Variants in KIRREL1 observed in about 807,000 individuals in gnomAD.
The protein encoded by KIRREL1 is kirre like nephrin family adhesion molecule 1, also known as kin of IRRE-like protein 1.
Under a neutral mutation model 83.3 loss-of-function variants are expected in KIRREL1, and 25 were observed. That is an observed-to-expected ratio of 0.30 (90% confidence interval 0.22 to 0.42). KIRREL1 has a LOEUF of 0.42. KIRREL1 is among the 10% of genes least tolerant of loss of function. The probability of loss-of-function intolerance (pLI) is 1.00; values close to 1 mark genes in which losing one functional copy is unlikely to be tolerated. For synonymous variants in KIRREL1, 388 were observed against 410.4 expected (o/e 0.95, Z 0.66); for missense variants, 812 against 1,032.3 (o/e 0.79, Z 2.92).
In KIRREL1 at chr1:158,095,231, TC is replaced by T. The variant is rs1340812206; in HGVS notation, c.*113del. 3.8e-6 allele frequency: 3 copies of T among 798,740 alleles called. No homozygotes were observed. The highest frequency in any genetic ancestry group is 5.8e-6 in the Non-Finnish European group (3 of 516,282). The allele number at this position is 798,740 out of a possible 1,614,324, so 49.5% of individuals were successfully genotyped here. A position where few individuals can be genotyped will look rare whatever the true frequency, so the allele number is the denominator to read the frequency against. On this transcript the variant is annotated 3_prime_UTR_variant, in exon 15 of 15. Coordinates refer to ENST00000359209, the MANE Select transcript of KIRREL1 (RefSeq NM_018240.7). ...TGCTCCCTTCTCGGACCAGCCTTCT[TC>T]CTCCCACCATGGCAGGTGGGGAGCA...
intron 1 of KIRREL1, among the ~76,000 whole-genome samples, chr1:158,051,761 A>G (rs377342794): frequency 6.6e-6 from 1 of 152,280 alleles, no homozygotes; most frequent in East Asian, 1.9e-4. Context: ...ATGACCTTGG[A>G]TGGCCACCAG....
At chr1:158,014,076 A>C (rs553744881) in intron 1 of KIRREL1, among the ~76,000 whole-genome samples, 3 of 152,252 alleles carry the variant, frequency 2.0e-5, no homozygotes, top group Admixed American at 1.3e-4. Context: ...GAGAGGGCTT[A>C]GTAAGAAGGC....
Position 158,010,396 on chromosome 1 carries a change from TACACACACACACAC to T in KIRREL1, c.52+16719_52+16732del, listed in dbSNP as rs56077512. On this transcript the variant is annotated intron_variant, in intron 1 of 14. Coordinates refer to ENST00000359209, the MANE Select transcript of KIRREL1 (RefSeq NM_018240.7). ...GTCCTGAGAATGTCACACACATGCA[TACACACACACACAC>T]ACACACACACACACACACACACACA... 9.2e-3 allele frequency among the ~76,000 whole-genome samples: 408 copies of T among 44,582 alleles called. 2 individuals are homozygous for T. The highest frequency in any genetic ancestry group is 0.024 in the African/African-American group (228 of 9,578). The allele number at this position is 44,582 out of a possible 152,430, so 29.2% of individuals were successfully genotyped here. A position where few individuals can be genotyped will look rare whatever the true frequency, so the allele number is the denominator to read the frequency against.
intron 1 of KIRREL1, among the ~76,000 whole-genome samples, chr1:158,026,805 C>T (rs1055759376): frequency 1.3e-5 from 2 of 152,104 alleles, no homozygotes; most frequent in Admixed American, 1.3e-4. Flanking sequence ...AGACTATGCT[C>T]CTAATCTCCA....
chr1:158,057,540 G>T (rs912642), intron 1 of KIRREL1, among the ~76,000 whole-genome samples: 1 of 152,058 alleles, frequency 6.6e-6, no homozygotes, highest in Admixed American at 6.6e-5. Context: ...CTTGGGAACT[G>T]TTTCTCCATT....
At chr1:158,069,300 A>AC (rs1661441387) in intron 1 of KIRREL1, among the ~76,000 whole-genome samples, 2 of 110,640 alleles carry the variant, frequency 1.8e-5, no homozygotes, top group Non-Finnish European at 3.7e-5. Context: ...TGTATGACGT[A>AC]CTTGTGTGTG....
intron 1 of KIRREL1, among the ~76,000 whole-genome samples, chr1:158,069,935 T>G (rs1229740722): frequency 6.6e-6 from 1 of 152,240 alleles, no homozygotes; most frequent in African/African-American, 2.4e-5. Context: ...TGGTAGCCAC[T>G]GGTGGCCTGA....
rs1288507420 is a variant in KIRREL1, at chr1:158,098,020, C to G, written c.*2900C>G. 1 of 152,152 alleles carries G rather than the reference C, an allele frequency of 6.6e-6. No homozygotes were observed. The highest frequency in any genetic ancestry group is 1.5e-5 in the Non-Finnish European group (1 of 68,082). 9.4% of individuals were successfully genotyped at this position (152,152 alleles called of 1,614,324 possible). On this transcript the variant is annotated 3_prime_UTR_variant, in exon 15 of 15. Transcript: ENST00000359209. ...GGGACTGCCCATTGCTGGCAAGGAA[C>G]TGGGAACAGTAGCAAGCATGGTGAG... is the stretch of plus-strand genomic sequence containing the variant.
intron 1 of KIRREL1, among the ~76,000 whole-genome samples, chr1:158,026,486 C>A (rs1014020886): frequency 6.6e-6 from 1 of 152,048 alleles, no homozygotes; most frequent in African/African-American, 2.4e-5. Flanking sequence ...GGGAATGGGA[C>A]GCTATGTGGA....
chr1:158,005,556 T>A (rs61819702), intron 1 of KIRREL1, among the ~76,000 whole-genome samples: 3 of 146,078 alleles, frequency 2.1e-5, no homozygotes, highest in South Asian at 2.2e-4. Flanking sequence ...TTTTTTTTTT[T>A]AATGAAAAAA....
At chr1:158,089,432 T>C (rs1411301056) in intron 8 of KIRREL1, 70 bp from the exon 9 acceptor site, 2 of 1,594,564 alleles carry the variant, frequency 1.3e-6, no homozygotes, top group Admixed American at 1.9e-5. Context: ...ATGCCTCCGA[T>C]GTGGGGCCCT....
At chr1:157,997,130 C>T (rs569319283) in intron 1 of KIRREL1, among the ~76,000 whole-genome samples, 79 of 152,280 alleles carry the variant, frequency 5.2e-4, no homozygotes, top group South Asian at 2.1e-3. Context: ...ATTTGATGAG[C>T]GCGCTGCAGT....
In KIRREL1 at chr1:158,084,565, G is replaced by A. The variant is rs1052329878; in HGVS notation, c.496G>A (p.Ala166Thr). The A allele has an allele frequency of 3.2e-6, 5 of 1,551,644 alleles. No homozygotes were observed. Among genetic ancestry groups the A allele is most frequent in the Non-Finnish European group, 4.4e-6 (5 of 1,146,972 alleles). Residue 166 changes from alanine to threonine, a missense_variant, in exon 4 of 15, where the codon GCT becomes ACT. By Grantham distance (58) the Ala-to-Thr change is moderately conservative. This residue lies in a region of KIRREL1 where 472 missense variants were observed against 626.8 expected (regional missense o/e 0.75). Coordinates refer to ENST00000359209, the MANE Select transcript of KIRREL1 (RefSeq NM_018240.7). ...WFRDGTQQEGAVASTELLKDG... is the reference protein window; with the variant it reads ...WFRDGTQQEGTVASTELLKDG... Reference sequence around the variant, plus strand: ...CCGGGACGGGACGCAGCAGGAGGGCGCTGTGGCCAGCACGGTGAGCTCCAG... The same window carrying A: ...CCGGGACGGGACGCAGCAGGAGGGCACTGTGGCCAGCACGGTGAGCTCCAG...
intron 1 of KIRREL1, among the ~76,000 whole-genome samples, chr1:158,003,217 G>A (rs1659417399): frequency 6.6e-6 from 1 of 152,094 alleles, no homozygotes; most frequent in South Asian, 2.1e-4. Flanking sequence ...TTAACTGGGA[G>A]GTTATTAAAA....
intron 1 of KIRREL1, among the ~76,000 whole-genome samples, chr1:158,011,354 G>A (rs1471584868): frequency 6.6e-6 from 1 of 152,182 alleles, no homozygotes; most frequent in Non-Finnish European, 1.5e-5. Context: ...CCTGCGTGAG[G>A]GTTGGACCCT....
At chr1:157,996,695 T>C (rs1473085025) in intron 1 of KIRREL1, among the ~76,000 whole-genome samples, 1 of 152,224 alleles carries the variant, frequency 6.6e-6, no homozygotes, top group African/African-American at 2.4e-5. Context: ...ATACACACTT[T>C]AGATGTCCCA....
intron 11 of KIRREL1, 33 bp downstream of exon 11, chr1:158,091,589 C>T (rs1662198397): frequency 6.2e-7 from 1 of 1,600,616 alleles, no homozygotes. Context: ...AGCTGGGGTG[C>T]AGAGCAGCCT....
At chr1:158,008,872 G>A (rs1234612514) in intron 1 of KIRREL1, among the ~76,000 whole-genome samples, 1 of 152,114 alleles carries the variant, frequency 6.6e-6, no homozygotes, top group Admixed American at 6.6e-5. Flanking sequence ...CCACCCAATG[G>A]CCCTGTCTCC....
chr1:158,048,052 C>G (rs1660820685), intron 1 of KIRREL1, among the ~76,000 whole-genome samples: 1 of 152,184 alleles, frequency 6.6e-6, no homozygotes, highest in African/African-American at 2.4e-5. Flanking sequence ...ACATCACATT[C>G]TCTTACTTTA....
Sources: allele counts gnomAD v4.1 joint callset (sites outside exome capture counted in the v4.1 genomes callset), GRCh38; gene constraint gnomAD v4.1.1; regional missense constraint gnomAD v4.1.1; transcripts MANE v1.5; gene names NCBI Gene and HGNC (gene_info 2026-07-23, HGNC 2026-07-21).